The following PGS1 variants were observed in gnomAD, a reference collection of about 807,000 sequenced individuals.
PGS1 encodes the protein CDP-diacylglycerol--glycerol-3-phosphate 3-phosphatidyltransferase, mitochondrial.
A neutral mutation model predicts 58.3 loss-of-function variants in PGS1; 44 were observed. That is an observed-to-expected ratio of 0.75 (90% CI 0.59 to 0.97). The LOEUF is 0.97. PGS1 is among the 50% of genes least tolerant of loss of function. The pLI, the probability that PGS1 is intolerant of heterozygous loss-of-function variation, is 0.00. For missense variants in PGS1, 684 were observed against 731.1 expected (o/e 0.94, Z 0.74); for synonymous variants, 330 against 311.0 (o/e 1.06, Z -0.64).
rs755276390 is a variant in PGS1 at position 78,404,076 on chromosome 17, G to T, written c.1389G>T (p.Thr463=). The T allele has an allele frequency of 8.3e-6, 13 of 1,574,020 alleles. No homozygotes were observed. The Admixed American group carries it at 1.8e-4, about 22-fold the overall frequency. Residue 463 remains threonine, a synonymous_variant, in exon 7 of 10, where the codon ACG becomes ACT. Transcript: ENST00000262764. ...AGGAGTACTGGCGGAGGGGCTGGACGTTCCACGCCAAAGGTGCGCAGCGGC... is the reference window on the plus strand; with the variant it reads ...AGGAGTACTGGCGGAGGGGCTGGACTTTCCACGCCAAAGGTGCGCAGCGGC... ...QLQEYWRRGW[T]FHAKGLWLYL... is the part of the protein sequence containing the mutation.
At chr17:78,413,599 C>G (rs2084920232) in intron 7 of PGS1, among the ~76,000 whole-genome samples, 1 of 152,242 alleles carries the variant, frequency 6.6e-6, no homozygotes, top group Non-Finnish European at 1.5e-5. Context: ...CTCACACCTG[C>G]TCACACTGAC....
chr17:78,420,060 TGTAGACGTG>T (rs2146348224), intron 9 of PGS1: 1 of 1,070,754 alleles, frequency 9.3e-7, no homozygotes, highest in East Asian at 7.7e-5. Flanking sequence ...GTGCAGGAGA[TGTAGACGTG>T]GGAGGAGGGG....
intron 2 of PGS1, 115 bp downstream of exon 2, chr17:78,392,780 T>C: frequency 1.3e-6 from 1 of 795,922 alleles, no homozygotes; most frequent in Non-Finnish European, 2.0e-6. Context: ...GCTTATTCCT[T>C]CTGGGTTTTA....
intron 1 of PGS1, among the ~76,000 whole-genome samples, chr17:78,386,487 G>A (rs761871571): frequency 2.0e-5 from 3 of 152,188 alleles, no homozygotes; most frequent in South Asian, 2.1e-4. Flanking sequence ...AGAACTGGGC[G>A]CTAGATGGTG....
intron 3 of PGS1, among the ~76,000 whole-genome samples, chr17:78,397,567 G>C (rs1186563301): frequency 6.7e-6 from 1 of 149,094 alleles, no homozygotes; most frequent in Non-Finnish European, 1.5e-5. Context: ...CTCCCGAGTA[G>C]TTGGGATTAC....
In PGS1 at chr17:78,424,231, C is replaced by T. The variant is rs2086288939; in HGVS notation, c.*181C>T. On this transcript the variant is annotated 3_prime_UTR_variant, in exon 10 of 10. Transcript: ENST00000262764. ...GGGCTGGCAGGAAGGGTGGGGTCCTCACACTCCCCGCCCTCTGCAGAGCTG... is the reference window on the plus strand; with the variant it reads ...GGGCTGGCAGGAAGGGTGGGGTCCTTACACTCCCCGCCCTCTGCAGAGCTG... 2.6e-6 allele frequency: 4 copies of T among 1,514,680 alleles called. No homozygotes were observed. The highest frequency in any genetic ancestry group is 2.7e-6 in the Non-Finnish European group (3 of 1,130,650). 93.8% of individuals were successfully genotyped at this position (1,514,680 alleles called of 1,614,324 possible).
At chr17:78,391,968 C>G (rs904769045) in intron 1 of PGS1, among the ~76,000 whole-genome samples, 9 of 152,136 alleles carry the variant, frequency 5.9e-5, no homozygotes, top group African/African-American at 1.9e-4. Context: ...CTGGGTGCTT[C>G]CTTGAATAGA....
At chr17:78,423,055 G>C (rs577456406) in intron 9 of PGS1, among the ~76,000 whole-genome samples, 9 of 150,704 alleles carry the variant, frequency 6.0e-5, no homozygotes, top group Non-Finnish European at 2.9e-5. Context: ...CCGAGATTGC[G>C]TCATTGCACT....
chr17:78,413,274 C>T (rs914600165), intron 7 of PGS1, among the ~76,000 whole-genome samples: 1 of 152,194 alleles, frequency 6.6e-6, no homozygotes, highest in African/African-American at 2.4e-5. Context: ...ATTAGGAAAC[C>T]GTCTTCTATT....
At chr17:78,420,661 C>CTAAG (rs1408284825) in intron 9 of PGS1, 3 of 152,190 alleles carry the variant, frequency 2.0e-5, no homozygotes, top group Non-Finnish European at 4.4e-5. Flanking sequence ...TAGTGCTCTG[C>CTAAG]TAAGTCTCAT....
intron 2 of PGS1, among the ~76,000 whole-genome samples, chr17:78,393,053 G>T (rs368480530): frequency 6.7e-6 from 1 of 149,622 alleles, no homozygotes; most frequent in African/African-American, 2.5e-5. Context: ...CACGGGCCTA[G>T]ACTTCGATTC....
chr17:78,388,958 G>A (rs1250412707), intron 1 of PGS1, among the ~76,000 whole-genome samples: 1 of 149,870 alleles, frequency 6.7e-6, no homozygotes, highest in African/African-American at 2.5e-5. Flanking sequence ...TATGTCATAT[G>A]TGCTTACATG....
Position 78,378,683 on chromosome 17 carries a change from A to T in PGS1, c.18A>T (p.Ala6=), listed in dbSNP as rs377757135. The T allele has an allele frequency of 3.3e-4, 505 of 1,533,550 alleles. 1 individual carries two copies. The highest frequency in any genetic ancestry group is 4.2e-4 in the Non-Finnish European group (482 of 1,147,690). The allele number at this position is 1,533,550 out of a possible 1,614,324, so 95.0% of individuals were successfully genotyped here. The change falls in exon 1 of 10, where the codon GCA becomes GCT. Residue 6 remains alanine, a synonymous_variant. Coordinates refer to ENST00000262764, the MANE Select transcript of PGS1 (RefSeq NM_024419.5). MAVAA[A]AAAGPVFWRR... is the part of the protein sequence containing the mutation. ...GAGTCTCCATGGCGGTGGCGGCGGC[A>T]GCTGCGGCGGGACCCGTGTTCTGGA...
At chr17:78,411,799 G>C (rs2084722546) in intron 7 of PGS1, among the ~76,000 whole-genome samples, 1 of 149,506 alleles carries the variant, frequency 6.7e-6, no homozygotes, top group Non-Finnish European at 1.5e-5. Context: ...TTAGCCCTGT[G>C]TATACACAGC....
intron 2 of PGS1, among the ~76,000 whole-genome samples, chr17:78,395,052 T>C (rs1488204611): frequency 2.0e-5 from 2 of 98,750 alleles, no homozygotes. Context: ...TTCCCTGCCA[T>C]CTGGGCTGAA....
intron 7 of PGS1, among the ~76,000 whole-genome samples, chr17:78,409,397 G>C (rs2084433255): frequency 6.6e-6 from 1 of 152,250 alleles, no homozygotes; most frequent in African/African-American, 2.4e-5. Flanking sequence ...ATCTGTTAAT[G>C]GTTGTGAGAA....
At position 78,400,743 on chromosome 17, in the gene PGS1, G is replaced by C; in HGVS notation, c.768G>C (p.Ala256=). Residue 256 remains alanine (A), a synonymous_variant, in exon 6 of 10, where the codon GCG becomes GCC. Coordinates refer to ENST00000262764, the MANE Select transcript of PGS1 (RefSeq NM_024419.5). The surrounding 1 kb of genome is among the most constrained non-coding windows in gnomAD (Gnocchi z 4.4). ...GCTACGTGTTCCTGCAGGACTGTGC[G>C]GAGATTGCCGACTTCTTCACGGAGC... ...QDRYVFLQDC[A]EIADFFTELV... 1 of 1,614,050 alleles carries C rather than the reference G, an allele frequency of 6.2e-7. No individual in the cohort carries two copies. The highest frequency in any genetic ancestry group is 8.5e-7 in the Non-Finnish European group (1 of 1,179,992).
chr17:78,411,061 A>G (rs943981192), intron 7 of PGS1, among the ~76,000 whole-genome samples: 1 of 152,184 alleles, frequency 6.6e-6, no homozygotes, highest in African/African-American at 2.4e-5. Context: ...ATCTGTTACA[A>G]GGGGGCTCAG....
chr17:78,417,928 A>T (rs1400636994), intron 8 of PGS1, among the ~76,000 whole-genome samples: 1 of 128,308 alleles, frequency 7.8e-6, no homozygotes, highest in Admixed American at 8.2e-5. Context: ...GCATATATAA[A>T]TTTTTTTTTT....
Sources: gnomAD v4.1 joint callset for allele counts (sites outside exome capture counted in the v4.1 genomes callset) on GRCh38, gnomAD v4.1.1 for gene constraint, Gnocchi (gnomAD v3.1) non-coding constraint, MANE v1.5 for transcripts, NCBI Gene and HGNC (gene_info 2026-07-23, HGNC 2026-07-21) for gene names.